The following DPP6 variants were observed in gnomAD, a reference collection of about 807,000 sequenced individuals.
DPP6 encodes the protein A-type potassium channel modulatory protein DPP6.
A neutral mutation model predicts 122.6 loss-of-function variants in DPP6; 69 were observed. The observed-to-expected ratio is 0.56, with a 90% CI of 0.46 to 0.69. The LOEUF (loss-of-function observed/expected upper bound fraction) is 0.69. DPP6 is among the 30% of genes least tolerant of loss of function. DPP6 has a pLI of 0.00. For synonymous variants in DPP6, 418 were observed against 433.1 expected, an observed-to-expected ratio of 0.97 and a Z score of 0.43; for missense variants, 928 against 1,116.9, an observed-to-expected ratio of 0.83 and a Z score of 2.41.
the DPP6 span, among the ~76,000 whole-genome samples, chr7:153,814,661 A>G: frequency 1.3e-5 from 2 of 152,244 alleles, no homozygotes; most frequent in African/African-American, 4.8e-5. Flanking sequence ...ACCAAAAAGG[A>G]GAATTTTAGA....
At chr7:154,322,038 AC>A (rs1228975188) in intron 1 of DPP6, among the ~76,000 whole-genome samples, 1 of 92,920 alleles carries the variant, frequency 1.1e-5, no homozygotes, top group South Asian at 3.1e-4. Flanking sequence ...CTACAACCAC[AC>A]CCCCAACCCC....
chr7:154,299,274 GGGA>G (rs1805747262), intron 1 of DPP6, among the ~76,000 whole-genome samples: 1 of 152,202 alleles, frequency 6.6e-6, no homozygotes, highest in Non-Finnish European at 1.5e-5. Context: ...GCAGCTTCCA[GGGA>G]CCTCAGCATT....
chr7:154,581,241 G>GA (rs1336497361), intron 5 of DPP6, among the ~76,000 whole-genome samples: 1 of 152,184 alleles, frequency 6.6e-6, no homozygotes, highest in Admixed American at 6.5e-5. Context: ...TAAGAAGGCA[G>GA]AGGTTAGTTG....
chr7:154,066,795 G>A (rs1757681576), intron 1 of DPP6, among the ~76,000 whole-genome samples: 2 of 152,134 alleles, frequency 1.3e-5, no homozygotes, highest in South Asian at 2.1e-4. Context: ...CTGACACCAT[G>A]GGATACAGAA....
chr7:153,768,469 T>C, the DPP6 span, among the ~76,000 whole-genome samples: 3 of 152,122 alleles, frequency 2.0e-5, no homozygotes, highest in South Asian at 2.1e-4. Context: ...TTTAGTATTA[T>C]ACTACCAAAG....
intron 3 of DPP6, among the ~76,000 whole-genome samples, chr7:154,529,533 A>G (rs1439120701): frequency 6.6e-6 from 1 of 152,242 alleles, no homozygotes; most frequent in East Asian, 1.9e-4. Context: ...TAACCAGGAA[A>G]GTGGAACACA....
chr7:154,499,283 G>A (rs886451344), intron 3 of DPP6, among the ~76,000 whole-genome samples: 13 of 152,030 alleles, frequency 8.6e-5, no homozygotes, highest in Admixed American at 8.5e-4. Flanking sequence ...CAAAAGGAGG[G>A]CCCCCCTGCG....
chr7:154,778,074 G>A (rs191715830), intron 10 of DPP6, among the ~76,000 whole-genome samples: 2 of 152,192 alleles, frequency 1.3e-5, no homozygotes, highest in Non-Finnish European at 2.9e-5. Flanking sequence ...CACTTATGTC[G>A]AATGCTTAGA....
At chr7:154,634,505 C>G (rs1011905163) in intron 5 of DPP6, among the ~76,000 whole-genome samples, 20 of 152,054 alleles carry the variant, frequency 1.3e-4, no homozygotes, top group Admixed American at 7.2e-4. Context: ...TTCTTATAGG[C>G]GATTCCATTT....
At chr7:154,706,646 A>G (rs570908692) in intron 7 of DPP6, among the ~76,000 whole-genome samples, 2 of 152,374 alleles carry the variant, frequency 1.3e-5, no homozygotes, top group South Asian at 2.1e-4. Context: ...TCAGTCAGCT[A>G]GGAACTTCTG....
the DPP6 span, among the ~76,000 whole-genome samples, chr7:153,820,261 T>C: frequency 6.6e-6 from 1 of 152,210 alleles, no homozygotes; most frequent in African/African-American, 2.4e-5. Flanking sequence ...TTTTTCATTT[T>C]ACAAATGGGT....
chr7:154,468,781 A>G (rs1218753907), intron 2 of DPP6, among the ~76,000 whole-genome samples: 2 of 152,218 alleles, frequency 1.3e-5, no homozygotes, highest in Admixed American at 6.5e-5. Flanking sequence ...AATAAAAAGT[A>G]TTATGTGACT....
chr7:154,022,706 G>A (rs117524431), intron 1 of DPP6, among the ~76,000 whole-genome samples: 6,368 of 152,278 alleles, frequency 0.042, 179 homozygotes, highest in South Asian at 0.07. Flanking sequence ...AGTTCATCAT[G>A]ACTTCGTATC....
intron 16 of DPP6, among the ~76,000 whole-genome samples, chr7:154,824,306 T>G (rs541805261): frequency 3.5e-4 from 53 of 152,262 alleles, no homozygotes; most frequent in African/African-American, 1.3e-3. Context: ...TGAGACAGAG[T>G]TTCACTTTTG....
At chr7:154,386,260 G>T (rs1028113077) in intron 1 of DPP6, among the ~76,000 whole-genome samples, 3 of 152,004 alleles carry the variant, frequency 2.0e-5, no homozygotes, top group African/African-American at 4.8e-5. Context: ...CCCCCATATT[G>T]ACCAGGAGCA....
At chr7:154,444,699 G>T (rs1819705889) in intron 1 of DPP6, among the ~76,000 whole-genome samples, 1 of 152,220 alleles carries the variant, frequency 6.6e-6, no homozygotes, top group Non-Finnish European at 1.5e-5. Context: ...GCTAGTCACA[G>T]ACTTGATGAA....
chr7:153,964,999 T>TTCCTTCCTTCCTTCCTTCCTTC lies in DPP6; in HGVS notation c.51+77265_51+77266insTCCTTCCTTCCTTCCTTCCTTC, dbSNP rs1563055951. ...TTTTCCCTTCCTTCCTTCCTTCCTT[T>TTCCTTCCTTCCTTCCTTCCTTC]CTTCCTTCCTTCCTTCCTTCCTTCC... On this transcript the variant is annotated intron_variant, in intron 1 of 25. Transcript: ENST00000404039. Among the ~76,000 whole-genome samples the TTCCTTCCTTCCTTCCTTCCTTC allele has an allele frequency of 4.3e-4, 27 of 62,460 alleles. 1 individual carries two copies. Among genetic ancestry groups the TTCCTTCCTTCCTTCCTTCCTTC allele is most frequent in the African/African-American group, 1.7e-3 (23 of 13,160 alleles). The allele number at this position is 62,460 out of a possible 152,430, so 41.0% of individuals were successfully genotyped here. A position where few individuals can be genotyped will look rare whatever the true frequency, so the allele number is the denominator to read the frequency against.
chr7:153,946,208 TAAAG>T (rs961152930), intron 1 of DPP6, among the ~76,000 whole-genome samples: 8 of 152,052 alleles, frequency 5.3e-5, no homozygotes, highest in African/African-American at 1.9e-4. Flanking sequence ...ATTAGAGAAA[TAAAG>T]AAACAAAAGA....
chr7:154,870,557 G>A (rs1804298395), intron 18 of DPP6, among the ~76,000 whole-genome samples: 1 of 152,200 alleles, frequency 6.6e-6, no homozygotes, highest in Non-Finnish European at 1.5e-5. Flanking sequence ...AGTGAGCCAA[G>A]ATCGCACCAC....
Sources: allele counts gnomAD v4.1 joint callset (sites outside exome capture counted in the v4.1 genomes callset), GRCh38; gene constraint gnomAD v4.1.1; transcripts MANE v1.5; gene names NCBI Gene and HGNC (gene_info 2026-07-23, HGNC 2026-07-21).